Variants in FER observed in about 807,000 individuals in gnomAD.
The protein encoded by FER is tyrosine-protein kinase Fer.
A neutral mutation model predicts 111.0 loss-of-function variants in FER; 63 were observed. The observed-to-expected ratio is 0.57, with a 90% CI of 0.46 to 0.70. The LOEUF is 0.70. FER is among the 30% of genes least tolerant of loss of function. FER has a pLI of 0.00. For missense variants in FER, 914 were observed against 954.0 expected (o/e 0.96, Z 0.55); for synonymous variants, 327 against 313.9 (o/e 1.04, Z -0.44).
intron 16 of FER, among the ~76,000 whole-genome samples, chr5:109,059,391 G>A (rs1774087020): frequency 6.6e-6 from 1 of 152,046 alleles, no homozygotes; most frequent in Non-Finnish European, 1.5e-5. Context: ...AGCTGGGTGT[G>A]GTGGCGCACG....
chr5:108,891,464 T>C (rs544356780), intron 9 of FER: 6 of 152,184 alleles, frequency 3.9e-5, no homozygotes, highest in South Asian at 2.1e-4. Flanking sequence ...GATAACTCAA[T>C]TGATTGTTCA....
chr5:108,798,266 A>G lies in FER; in HGVS notation c.84A>G (p.Val28=), dbSNP rs2229085. 276,755 of 1,613,554 alleles carry G rather than the reference A, an allele frequency of 0.17. 25,220 individuals carry two copies. The highest frequency in any genetic ancestry group is 0.3 in the Middle Eastern group (1,816 of 6,062). Residue 28 remains valine (V), a synonymous_variant, in exon 3 of 20, where the codon GTA becomes GTG. Coordinates refer to ENST00000281092, the MANE Select transcript of FER (RefSeq NM_005246.4). Reference sequence around the variant, plus strand: ...GGGAATTACGGTTACTGGAAACAGTAAAGAAATTTATGGCCCTGAGAATAA... The same window carrying G: ...GGGAATTACGGTTACTGGAAACAGTGAAGAAATTTATGGCCCTGAGAATAA... ...QDWELRLLET[V]KKFMALRIKS...
At chr5:109,051,436 T>C (rs1424922103) in intron 16 of FER, 4 of 1,612,716 alleles carry the variant, frequency 2.5e-6, no homozygotes, top group Non-Finnish European at 3.4e-6. Flanking sequence ...TTTAGAATTC[T>C]GGTTATCATC....
chr5:109,086,534 C>G (rs757954513), intron 16 of FER, among the ~76,000 whole-genome samples: 4 of 151,406 alleles, frequency 2.6e-5, no homozygotes, highest in East Asian at 1.9e-4. Flanking sequence ...GATTGCTGCC[C>G]TTTATTATTT....
chr5:108,993,865 T>A (rs1193904600), intron 13 of FER, among the ~76,000 whole-genome samples: 2 of 152,184 alleles, frequency 1.3e-5, no homozygotes, highest in African/African-American at 4.8e-5. Context: ...GATTTGCATT[T>A]CTCTAATGAT....
At chr5:109,065,670 G>C (rs950133028) in intron 16 of FER, among the ~76,000 whole-genome samples, 2 of 152,054 alleles carry the variant, frequency 1.3e-5, no homozygotes, top group African/African-American at 4.8e-5. Context: ...TCATTATGAA[G>C]GATTACATAT....
Position 109,189,913 on chromosome 5 carries a change from G to C in FER, c.*2338G>C, listed in dbSNP as rs1451927862. On this transcript the variant is annotated 3_prime_UTR_variant, in exon 20 of 20. Coordinates refer to ENST00000281092, the MANE Select transcript of FER (RefSeq NM_005246.4). The stretch of plus-strand genomic sequence containing the variant: ...ATTACTCTGTGCTTAAATTTAAAAA[G>C]CTTTTCAAAACATCGTGACATGTGT... 6.6e-6 allele frequency: 1 copy of C among 152,116 alleles called. No homozygotes were observed. The highest frequency in any genetic ancestry group is 1.5e-5 in the Non-Finnish European group (1 of 68,006). The allele number at this position is 152,116 out of a possible 1,614,324, so 9.4% of individuals were successfully genotyped here. A position where few individuals can be genotyped will look rare whatever the true frequency, so the allele number is the denominator to read the frequency against.
intron 8 of FER, among the ~76,000 whole-genome samples, chr5:108,879,720 A>ATATATATATATATATATT (rs1372736461): frequency 7.1e-6 from 1 of 140,632 alleles, no homozygotes; most frequent in East Asian, 2.0e-4. Flanking sequence ...ATATATATAT[A>ATATATATATATATATATT]TATATTTGAG....
At chr5:109,130,596 T>G (rs1034629817) in intron 17 of FER, among the ~76,000 whole-genome samples, 1 of 152,140 alleles carries the variant, frequency 6.6e-6, no homozygotes, top group Non-Finnish European at 1.5e-5. Context: ...CATTTTAACA[T>G]GCAATTAGTG....
In FER at chr5:109,076,978, C is replaced by T. The variant is rs140273519; in HGVS notation, c.1925-23418C>T. Among the ~76,000 whole-genome samples the T allele has an allele frequency of 1.4e-3, 215 of 152,298 alleles. 2 individuals are homozygous for T. Among genetic ancestry groups the T allele is most frequent in the African/African-American group, 4.8e-3 (200 of 41,552 alleles). ...GGCCAGAGCCAATACACAGAGCTAA[C>T]TTATTTATCACAGAGAGCCTCTGAA... On this transcript the variant is annotated intron_variant, in intron 16 of 19. Transcript: ENST00000281092.
intron 15 of FER, 25 bp from the exon 16 acceptor site, chr5:109,047,077 CTA>C (rs775775180): frequency 8.7e-7 from 1 of 1,151,654 alleles, no homozygotes; most frequent in South Asian, 1.3e-5. Flanking sequence ...CAAATGATAA[CTA>C]TTCGTATATT....
intron 2 of FER, among the ~76,000 whole-genome samples, chr5:108,790,428 C>T (rs1308397168): frequency 6.6e-6 from 1 of 152,068 alleles, no homozygotes; most frequent in Non-Finnish European, 1.5e-5. Flanking sequence ...AAGAAATTCA[C>T]CTCTGGTATG....
At chr5:109,015,753 T>C (rs1039803125) in intron 13 of FER, among the ~76,000 whole-genome samples, 1 of 152,164 alleles carries the variant, frequency 6.6e-6, no homozygotes, top group African/African-American at 2.4e-5. Flanking sequence ...TATGATTTTC[T>C]TAGTGTAAAT....
At chr5:108,895,126 G>A (rs182087366) in intron 9 of FER, among the ~76,000 whole-genome samples, 1 of 152,252 alleles carries the variant, frequency 6.6e-6, no homozygotes, top group East Asian at 1.9e-4. Flanking sequence ...TGAAATAACA[G>A]TAAAGCATAG....
chr5:108,824,650 A>G (rs1759248725), intron 3 of FER, among the ~76,000 whole-genome samples: 1 of 152,164 alleles, frequency 6.6e-6, no homozygotes, highest in Non-Finnish European at 1.5e-5. Flanking sequence ...CTGGCAGGAA[A>G]AGAAATAAAT....
At chr5:108,806,200 C>G (rs931029966) in intron 3 of FER, among the ~76,000 whole-genome samples, 2 of 152,214 alleles carry the variant, frequency 1.3e-5, no homozygotes, top group Non-Finnish European at 2.9e-5. Flanking sequence ...TGGCAGCTTC[C>G]ACGTGGTGTT....
intron 3 of FER, among the ~76,000 whole-genome samples, chr5:108,826,905 G>C (rs1259794551): frequency 6.6e-6 from 1 of 152,076 alleles, no homozygotes; most frequent in Non-Finnish European, 1.5e-5. Context: ...GGATTCCACA[G>C]GGTTCTGCCT....
At chr5:108,807,341 T>A (rs1343211835) in intron 3 of FER, among the ~76,000 whole-genome samples, 1 of 152,242 alleles carries the variant, frequency 6.6e-6, no homozygotes, top group Non-Finnish European at 1.5e-5. Context: ...ATATTCCTGA[T>A]TCAATCTTGA....
rs576461357 is a variant in FER at position 108,927,405 on chromosome 5, C to A, written c.1237-18725C>A. On this transcript the variant is annotated intron_variant, in intron 10 of 19. Coordinates refer to ENST00000281092, the MANE Select transcript of FER (RefSeq NM_005246.4). ...CCTCCCGAGTAGCTGGGACTACAGG[C>A]GCCCGCCACCGCGCCCGGCTAATTT... Among the ~76,000 whole-genome samples, 108 of 151,814 alleles carry A rather than the reference C, an allele frequency of 7.1e-4. 1 individual carries two copies. The highest frequency in any genetic ancestry group is 1.1e-3 in the Non-Finnish European group (72 of 67,946).
Sources: allele counts gnomAD v4.1 joint callset (sites outside exome capture counted in the v4.1 genomes callset), GRCh38; gene constraint gnomAD v4.1.1; transcripts MANE v1.5; gene names NCBI Gene and HGNC (gene_info 2026-07-23, HGNC 2026-07-21).